The following GK5 variants were observed in gnomAD, a reference collection of about 807,000 sequenced individuals.
The protein encoded by GK5 is ATP:glycerol 3-phosphotransferase 5.
Under a neutral mutation model 77.3 loss-of-function variants are expected in GK5, and 39 were observed. The ratio of observed to expected loss-of-function variants is 0.50; its 90% confidence interval spans 0.39 to 0.66. The LOEUF is 0.66. GK5 is among the 30% of genes least tolerant of loss of function. The probability of loss-of-function intolerance (pLI) is 0.00; values close to 1 mark genes in which losing one functional copy is unlikely to be tolerated. For synonymous variants in GK5, 211 were observed against 208.0 expected, an observed-to-expected ratio of 1.01 and a Z score of -0.13; for missense variants, 487 against 633.8, an observed-to-expected ratio of 0.77 and a Z score of 2.49.
intron 5 of GK5, among the ~76,000 whole-genome samples, chr3:142,189,996 A>C (rs1385203106): frequency 6.6e-6 from 1 of 152,176 alleles, no homozygotes; most frequent in Non-Finnish European, 1.5e-5. Flanking sequence ...GAAAAACAAA[A>C]ACAGGAAAAA....
chr3:142,176,345 G>A (rs142291349), intron 12 of GK5, among the ~76,000 whole-genome samples: 17 of 151,940 alleles, frequency 1.1e-4, no homozygotes, highest in South Asian at 2.1e-4. Flanking sequence ...TAAGCAAGAA[G>A]AAAGAGAAAG....
rs1005054161 is a variant in GK5, at chr3:142,199,169, C to A, written c.412-236G>T. Among the ~76,000 whole-genome samples the A allele has an allele frequency of 2.0e-5, 3 of 152,028 alleles. No homozygotes were observed. In the South Asian group the frequency reaches 6.2e-4, roughly 32 times the overall value. On this transcript the variant is annotated intron_variant, in intron 4 of 15. Transcript: ENST00000392993. ...ATTATTTTAGCAAATACCAGATGCT[C>A]AGGTACTTATTATAAACTTTTTTAA... is the stretch of plus-strand genomic sequence containing the variant.
At chr3:142,200,552 C>T (rs541296376) in intron 4 of GK5, among the ~76,000 whole-genome samples, 18 of 152,252 alleles carry the variant, frequency 1.2e-4, no homozygotes, top group Non-Finnish European at 1.9e-4. Flanking sequence ...AAAGTGACCA[C>T]CCATAAGCCT....
chr3:142,164,652 G>A lies in GK5; in HGVS notation c.*970C>T, dbSNP rs1032896492. 1.3e-5 allele frequency: 2 copies of A among 152,088 alleles called. No individual in the cohort carries two copies. Among genetic ancestry groups the A allele is most frequent in the Non-Finnish European group, 2.9e-5 (2 of 68,030 alleles). 9.4% of individuals were successfully genotyped at this position (152,088 alleles called of 1,614,324 possible). ...TAGACTGAACAAACATCAAAAAGAC[G>A]CAGGAACAAATAAAATACCCCAATA... On this transcript the variant is annotated 3_prime_UTR_variant, in exon 16 of 16. Transcript: ENST00000392993.
At position 142,177,580 on chromosome 3, in the gene GK5, CA is replaced by C. The variant is rs750255412; in HGVS notation, c.1049-5del. On this transcript the variant is annotated splice_region_variant and splice_polypyrimidine_tract_variant and intron_variant, in intron 11 of 15. Transcript: ENST00000392993. ...TCAGCAGCATCTGTGAAAAGGTCTG[CA>C]AAAACAAACAAACAACAAAAAACCC... 5.1e-6 allele frequency: 8 copies of C among 1,571,350 alleles called. No homozygotes were observed. In the South Asian group the frequency reaches 8.0e-5, roughly 16 times the overall value.
At chr3:142,183,138 A>G in intron 9 of GK5, 89 bp from the exon 10 acceptor site, 1 of 1,136,938 alleles carries the variant, frequency 8.8e-7, no homozygotes, top group East Asian at 2.4e-5. Flanking sequence ...TACTCTCATG[A>G]TTAAACATCT....
chr3:142,188,242 C>CA (rs1180611937), intron 5 of GK5, among the ~76,000 whole-genome samples: 2 of 151,808 alleles, frequency 1.3e-5, no homozygotes, highest in East Asian at 1.9e-4. Flanking sequence ...ACTAAAAATG[C>CA]AAAAAATGGC....
intron 15 of GK5, among the ~76,000 whole-genome samples, chr3:142,166,627 G>A (rs959367545): frequency 2.0e-5 from 3 of 150,868 alleles, no homozygotes; most frequent in African/African-American, 4.9e-5. Flanking sequence ...TCCACCTCCC[G>A]GGTTCAAGCA....
intron 1 of GK5, among the ~76,000 whole-genome samples, chr3:142,223,967 C>A (rs1175668834): frequency 6.6e-6 from 1 of 152,164 alleles, no homozygotes; most frequent in East Asian, 1.9e-4. Flanking sequence ...AAGAAAAACA[C>A]CTCTAAGGTG....
chr3:142,208,289 A>C (rs1351096819), intron 3 of GK5, among the ~76,000 whole-genome samples: 2 of 152,212 alleles, frequency 1.3e-5, no homozygotes. Context: ...ATGTCCTTTG[A>C]TATATAAAGT....
intron 4 of GK5, among the ~76,000 whole-genome samples, chr3:142,201,336 G>T (rs1212528036): frequency 5.9e-5 from 9 of 152,198 alleles, no homozygotes; most frequent in Non-Finnish European, 2.9e-5. Context: ...CAACTTGAAT[G>T]AATCTCCAGG....
intron 1 of GK5, among the ~76,000 whole-genome samples, chr3:142,216,922 A>C (rs974959081): frequency 3.3e-5 from 5 of 152,222 alleles, no homozygotes; most frequent in African/African-American, 1.2e-4. Context: ...CTGAATTTGT[A>C]GCCTGAACCC....
At position 142,187,616 on chromosome 3, in the gene GK5, AAAAAAGTAACTTCTACTTTTTTTAG is replaced by A. The variant is rs1280407038; in HGVS notation, c.619+63_619+87del. ...CGAGACCCTAGCTCAAAAAAAAAAA[AAAAAAGTAACTTCTACTTTTTTTAG>A]GCAAATCATTTCTCTTGATCAAATT... On this transcript the variant is annotated intron_variant, in intron 6 of 15. Coordinates refer to ENST00000392993, the MANE Select transcript of GK5 (RefSeq NM_001039547.3). The A allele has an allele frequency of 8.7e-5, 89 of 1,020,328 alleles. No individual in the cohort carries two copies. In the African/African-American group the frequency reaches 1.4e-3, roughly 16 times the overall value. 63.2% of individuals were successfully genotyped at this position (1,020,328 alleles called of 1,614,324 possible).
At chr3:142,212,514 T>C (rs1013780895) in intron 3 of GK5, among the ~76,000 whole-genome samples, 9 of 151,728 alleles carry the variant, frequency 5.9e-5, no homozygotes, top group Admixed American at 5.9e-4. Context: ...CCAGCCTGGG[T>C]AACAGAGTAA....
chr3:142,211,020 A>G (rs7653823), intron 3 of GK5, among the ~76,000 whole-genome samples: 108,958 of 152,278 alleles, frequency 0.72, 39,709 homozygotes, highest in African/African-American at 0.85. Context: ...TGGTGGGAGC[A>G]GGGACCCGCA....
intron 13 of GK5, among the ~76,000 whole-genome samples, chr3:142,171,907 C>T (rs1358928189): frequency 6.6e-6 from 1 of 152,080 alleles, no homozygotes; most frequent in Non-Finnish European, 1.5e-5. Flanking sequence ...ATATTCATGA[C>T]AGCATCATTC....
intron 12 of GK5, among the ~76,000 whole-genome samples, chr3:142,175,241 C>A (rs2063591918): frequency 6.6e-6 from 1 of 152,146 alleles, no homozygotes; most frequent in Non-Finnish European, 1.5e-5. Context: ...AACCACGAGC[C>A]CTGCTAGAGG....
chr3:142,161,783 A>G lies in GK5; in HGVS notation c.*3839T>C, dbSNP rs1220160597. ...GAAAACATCAGAAGACAATTACAGC[A>G]TGAGATATTGATTGATTGATTGATT... On this transcript the variant is annotated 3_prime_UTR_variant, in exon 16 of 16. Transcript: ENST00000392993. The G allele has an allele frequency of 6.6e-6, 1 of 151,984 alleles. No homozygotes were observed. The highest frequency in any genetic ancestry group is 1.5e-5 in the Non-Finnish European group (1 of 68,100). 9.4% of individuals were successfully genotyped at this position (151,984 alleles called of 1,614,324 possible). A position where few individuals can be genotyped will look rare whatever the true frequency, so the allele number is the denominator to read the frequency against.
chr3:142,213,138 T>C (rs1230578568), intron 3 of GK5, among the ~76,000 whole-genome samples: 1 of 152,214 alleles, frequency 6.6e-6, no homozygotes, highest in Non-Finnish European at 1.5e-5. Context: ...CTGGCCGCTA[T>C]AGACAAATAT....
Sources: allele counts gnomAD v4.1 joint callset (sites outside exome capture counted in the v4.1 genomes callset), GRCh38; gene constraint gnomAD v4.1.1; transcripts MANE v1.5; gene names NCBI Gene and HGNC (gene_info 2026-07-23, HGNC 2026-07-21).